AKT3: variants seen among roughly 807,000 people sequenced by gnomAD.
AKT3 encodes AKT serine/threonine kinase 3.
Under a neutral mutation model 65.3 loss-of-function variants are expected in AKT3, and 15 were observed. The ratio of observed to expected loss-of-function variants is 0.23; its 90% confidence interval spans 0.15 to 0.35. AKT3 has a LOEUF of 0.35. Among genes scored for constraint, AKT3 ranks in the 10% least tolerant of loss-of-function variants. The probability of loss-of-function intolerance (pLI) is 1.00; values close to 1 mark genes in which losing one functional copy is unlikely to be tolerated. For missense variants in AKT3, 243 were observed against 576.5 expected (o/e 0.42, Z 5.92); for synonymous variants, 206 against 183.8 (o/e 1.12, Z -0.98).
At chr1:243,524,215 T>C (rs1246789108) in intron 12 of AKT3, among the ~76,000 whole-genome samples, 1 of 152,220 alleles carries the variant, frequency 6.6e-6, no homozygotes, top group African/African-American at 2.4e-5. Context: ...TGAAGCATCA[T>C]TATGTTGTGC....
In AKT3 at chr1:243,778,930, T is replaced by TC. The variant is rs397749227; in HGVS notation, c.46+64194dup. Reference sequence around the variant, plus strand: ...ACTATTCTTCCGATTCTTTTTTTTTTCTTGTCACTGAATGGACCTCATCCT... The same window carrying TC: ...ACTATTCTTCCGATTCTTTTTTTTTTCCTTGTCACTGAATGGACCTCATCCT... On this transcript the variant is annotated intron_variant, in intron 2 of 13. Transcript: ENST00000673466. Among the ~76,000 whole-genome samples, 58 of 152,108 alleles carry TC rather than the reference T, an allele frequency of 3.8e-4. No individual in the cohort carries two copies. The South Asian group carries it at 0.011, about 28-fold the overall frequency.
intron 8 of AKT3, among the ~76,000 whole-genome samples, chr1:243,578,927 G>A (rs1292198282): frequency 3.9e-5 from 6 of 152,114 alleles, no homozygotes; most frequent in East Asian, 1.9e-4. Flanking sequence ...CTAAAGTTAC[G>A]GTAATTATTA....
At chr1:243,692,505 G>A (rs144125672) in intron 3 of AKT3, among the ~76,000 whole-genome samples, 1,901 of 152,126 alleles carry the variant, frequency 0.012, 44 homozygotes, top group African/African-American at 0.044. Flanking sequence ...GGCTAAGGCA[G>A]GTGGATCACC....
intron 2 of AKT3, among the ~76,000 whole-genome samples, chr1:243,817,778 C>G (rs1405558067): frequency 1.3e-5 from 2 of 152,110 alleles, no homozygotes; most frequent in African/African-American, 4.8e-5. Flanking sequence ...GTCTGAAAAC[C>G]CAGCTTGTTT....
intron 2 of AKT3, among the ~76,000 whole-genome samples, chr1:243,732,357 T>G (rs1010537247): frequency 6.6e-6 from 1 of 152,142 alleles, no homozygotes; most frequent in Non-Finnish European, 1.5e-5. Flanking sequence ...TTAAAAAGCT[T>G]CTCCACTCCC....
chr1:243,693,242 T>TTATATA (rs747780262), intron 3 of AKT3, among the ~76,000 whole-genome samples: 2,035 of 59,882 alleles, frequency 0.034, 642 homozygotes, highest in Non-Finnish European at 0.042. Context: ...AGCTACAATT[T>TTATATA]GATATATATA....
At chr1:243,567,827 G>A (rs1240936424) in intron 9 of AKT3, among the ~76,000 whole-genome samples, 1 of 152,076 alleles carries the variant, frequency 6.6e-6, no homozygotes, top group Admixed American at 6.5e-5. Context: ...GTACAGTTCT[G>A]TTATACAATA....
chr1:243,753,537 A>T (rs551275753), intron 2 of AKT3, among the ~76,000 whole-genome samples: 11 of 152,322 alleles, frequency 7.2e-5, no homozygotes, highest in Admixed American at 6.5e-4. Context: ...TGTTTTCAAT[A>T]AAAAACTTCT....
chr1:243,629,643 T>A (rs2147785395), intron 6 of AKT3, among the ~76,000 whole-genome samples: 1 of 152,034 alleles, frequency 6.6e-6, no homozygotes, highest in African/African-American at 2.4e-5. Context: ...GTACAAAAAA[T>A]TAGCCAGGCG....
At position 243,735,912 on chromosome 1, in the gene AKT3, C is replaced by T. The variant is rs147326961; in HGVS notation, c.47-40196G>A. ...ATTATTAAAAAGTAAAATTATTCTTCCTTGTGCTAGTGCTAAACACAAAAT... is the reference window on the plus strand; with the variant it reads ...ATTATTAAAAAGTAAAATTATTCTTTCTTGTGCTAGTGCTAAACACAAAAT... On this transcript the variant is annotated intron_variant, in intron 2 of 13. Coordinates refer to ENST00000673466, the MANE Select transcript of AKT3 (RefSeq NM_005465.7). 7.2e-5 allele frequency among the ~76,000 whole-genome samples: 11 copies of T among 152,240 alleles called. No individual in the cohort carries two copies. The East Asian group carries it at 2.1e-3, about 29-fold the overall frequency.
At chr1:243,541,784 G>A (rs1574570922) in intron 12 of AKT3, among the ~76,000 whole-genome samples, 1 of 152,204 alleles carries the variant, frequency 6.6e-6, no homozygotes, top group African/African-American at 2.4e-5. Flanking sequence ...AGATATGATT[G>A]TCTGTGCAGA....
chr1:243,813,540 A>C (rs1280829281), intron 2 of AKT3, among the ~76,000 whole-genome samples: 1 of 152,124 alleles, frequency 6.6e-6, no homozygotes, highest in Non-Finnish European at 1.5e-5. Context: ...AATCAGTGTC[A>C]TAGAAAGCAA....
intron 2 of AKT3, among the ~76,000 whole-genome samples, chr1:243,730,510 G>A (rs1441841157): frequency 1.3e-5 from 2 of 152,230 alleles, no homozygotes; most frequent in African/African-American, 4.8e-5. Flanking sequence ...GTGAAAAGCA[G>A]TGACACTTCT....
chr1:243,560,526 TAAC>T (rs889847328), intron 10 of AKT3, among the ~76,000 whole-genome samples: 3 of 152,068 alleles, frequency 2.0e-5, no homozygotes, highest in African/African-American at 4.8e-5. Context: ...ACTCAAATAA[TAAC>T]AACAATAATC....
At chr1:243,729,285 A>G (rs1274004314) in intron 2 of AKT3, among the ~76,000 whole-genome samples, 1 of 152,170 alleles carries the variant, frequency 6.6e-6, no homozygotes, top group Non-Finnish European at 1.5e-5. Context: ...GGAAGATACT[A>G]TTGCACCTTT....
intron 3 of AKT3, among the ~76,000 whole-genome samples, chr1:243,694,571 C>A (rs1416684587): frequency 1.3e-5 from 2 of 151,326 alleles, no homozygotes; most frequent in African/African-American, 4.9e-5. Flanking sequence ...AATGACTTCA[C>A]AAATCTTTTA....
At chr1:243,691,534 T>C (rs752962563) in intron 3 of AKT3, among the ~76,000 whole-genome samples, 3 of 151,950 alleles carry the variant, frequency 2.0e-5, no homozygotes, top group Non-Finnish European at 4.4e-5. Context: ...GGGGTGATTA[T>C]AGAAAAGGAT....
chr1:243,538,272 T>A (rs1016680692), intron 12 of AKT3, among the ~76,000 whole-genome samples: 28 of 151,466 alleles, frequency 1.8e-4, no homozygotes, highest in African/African-American at 6.8e-4. Flanking sequence ...TACTGCAAAC[T>A]CTAGAAACAA....
intron 3 of AKT3, among the ~76,000 whole-genome samples, chr1:243,670,711 C>T (rs936432406): frequency 6.6e-6 from 1 of 152,164 alleles, no homozygotes; most frequent in African/African-American, 2.4e-5. Context: ...ATAACATCTA[C>T]TTCTCAGTGT....
Sources: allele counts gnomAD v4.1 joint callset (sites outside exome capture counted in the v4.1 genomes callset), GRCh38; gene constraint gnomAD v4.1.1; transcripts MANE v1.5; gene names NCBI Gene and HGNC (gene_info 2026-07-23, HGNC 2026-07-21).